The following MAF variants were observed in gnomAD, a reference collection of about 807,000 sequenced individuals.
MAF encodes the protein MAF bZIP transcription factor.
In MAF, 10 loss-of-function variants were observed where a neutral mutation model predicts 22.0. The ratio of observed to expected loss-of-function variants is 0.45; its 90% CI spans 0.28 to 0.77. MAF has a LOEUF of 0.77. MAF is among the 30% of genes least tolerant of loss of function. MAF has a pLI of 0.12. For synonymous variants in MAF, 337 were observed against 255.8 expected (o/e 1.32, Z -3.03); for missense variants, 544 against 548.4 (o/e 0.99, Z 0.08).
At chr16:79,463,400 T>A in the MAF span, among the ~76,000 whole-genome samples, 1 of 152,228 alleles carries the variant, frequency 6.6e-6, no homozygotes, top group Non-Finnish European at 1.5e-5. Context: ...AAAGTTTCCC[T>A]TCCAGCCCTG....
At chr16:79,374,276 C>T in the MAF span, among the ~76,000 whole-genome samples, 20 of 152,122 alleles carry the variant, frequency 1.3e-4, no homozygotes, top group African/African-American at 3.9e-4. Context: ...TTTTCCTCTC[C>T]GTTGCCTGAG....
At chr16:79,415,343 A>ACAGGCAGGCAGG in the MAF span, among the ~76,000 whole-genome samples, 1 of 149,836 alleles carries the variant, frequency 6.7e-6, no homozygotes, top group Non-Finnish European at 1.5e-5. Flanking sequence ...GGGAGGATGA[A>ACAGGCAGGCAGG]CAGGCAGGCA....
chr16:79,578,303 A>C, the MAF span, among the ~76,000 whole-genome samples: 35 of 152,234 alleles, frequency 2.3e-4, no homozygotes, highest in Admixed American at 6.5e-4. Flanking sequence ...TTTAAGATTT[A>C]TACCAGGGAC....
the MAF span, among the ~76,000 whole-genome samples, chr16:79,416,669 T>C: frequency 2.6e-5 from 4 of 152,254 alleles, no homozygotes; most frequent in African/African-American, 9.6e-5. Flanking sequence ...GGGAGCGCGG[T>C]GCTCCGAATG....
the MAF span, among the ~76,000 whole-genome samples, chr16:79,472,634 G>C: frequency 6.6e-6 from 1 of 152,100 alleles, no homozygotes; most frequent in Non-Finnish European, 1.5e-5. Context: ...GAAATGGGGA[G>C]TGACTGTTCA....
At chr16:79,270,047 T>C in the MAF span, among the ~76,000 whole-genome samples, 1 of 152,054 alleles carries the variant, frequency 6.6e-6, no homozygotes, top group South Asian at 2.1e-4. Flanking sequence ...CCTGTTTTTT[T>C]CATCCTGCAT....
chr16:79,549,341 G>C, the MAF span, among the ~76,000 whole-genome samples: 1 of 152,136 alleles, frequency 6.6e-6, no homozygotes, highest in African/African-American at 2.4e-5. Context: ...ATGATACAAG[G>C]TCAGAACACC....
the MAF span, among the ~76,000 whole-genome samples, chr16:79,462,082 C>T: frequency 6.0e-4 from 92 of 152,304 alleles, no homozygotes; most frequent in Non-Finnish European, 1.1e-3. Context: ...CGCCTCCCCT[C>T]GCCTATCTGG....
chr16:79,455,313 A>G, the MAF span, among the ~76,000 whole-genome samples: 2 of 152,132 alleles, frequency 1.3e-5, no homozygotes, highest in Non-Finnish European at 2.9e-5. Context: ...TAAATAAATA[A>G]ATAAATAAAT....
At chr16:79,411,985 A>G in the MAF span, among the ~76,000 whole-genome samples, 1 of 152,156 alleles carries the variant, frequency 6.6e-6, no homozygotes, top group Non-Finnish European at 1.5e-5. Flanking sequence ...TGCTGTTGTT[A>G]CCAGTACCAC....
the MAF span, among the ~76,000 whole-genome samples, chr16:79,544,164 A>G: frequency 6.6e-6 from 1 of 152,250 alleles, no homozygotes; most frequent in African/African-American, 2.4e-5. Flanking sequence ...ATCAAAGAAT[A>G]TACACTAAAA....
the MAF span, among the ~76,000 whole-genome samples, chr16:79,513,619 A>T: frequency 1.3e-5 from 2 of 152,316 alleles, no homozygotes; most frequent in African/African-American, 4.8e-5. Flanking sequence ...CCAGTTGCGG[A>T]ATCTCAGGCA....
the MAF span, among the ~76,000 whole-genome samples, chr16:79,530,285 G>A: frequency 6.6e-6 from 1 of 152,174 alleles, no homozygotes; most frequent in African/African-American, 2.4e-5. Flanking sequence ...GTGGTCTCAG[G>A]AGTGGTTCAA....
the MAF span, among the ~76,000 whole-genome samples, chr16:79,255,970 TTCTTTTCTTTTC>T: frequency 2.0e-4 from 26 of 131,506 alleles, no homozygotes; most frequent in Admixed American, 6.0e-4. Context: ...CTTTTCTTTT[TTCTTTTCTTTTC>T]TTTTTTTTTT....
the MAF span, among the ~76,000 whole-genome samples, chr16:79,273,865 T>C: frequency 0.69 from 104,632 of 151,708 alleles, 36,739 homozygotes; most frequent in Admixed American, 0.74. Flanking sequence ...GATTGGGACA[T>C]GGATATCTTT....
the MAF span, among the ~76,000 whole-genome samples, chr16:79,307,993 C>G: frequency 1.6e-4 from 25 of 152,228 alleles, no homozygotes; most frequent in Non-Finnish European, 2.9e-4. Context: ...TCCTTGTCCT[C>G]TAAATTCATT....
the MAF span, among the ~76,000 whole-genome samples, chr16:79,363,240 C>G: frequency 6.6e-6 from 1 of 152,152 alleles, no homozygotes; most frequent in Non-Finnish European, 1.5e-5. Flanking sequence ...TCGCTCAGCT[C>G]TTGTGGAGGA....
the MAF span, among the ~76,000 whole-genome samples, chr16:79,575,891 T>C: frequency 2.0e-5 from 3 of 152,148 alleles, no homozygotes; most frequent in Non-Finnish European, 2.9e-5. Context: ...GGAAGGCTCA[T>C]TCCATCACAA....
At chr16:79,373,317 C>G in the MAF span, among the ~76,000 whole-genome samples, 2 of 124,802 alleles carry the variant, frequency 1.6e-5, no homozygotes, top group African/African-American at 5.9e-5. Context: ...TGAATTAATT[C>G]ATCTATGGGT....
Sources: allele counts gnomAD v4.1 joint callset (sites outside exome capture counted in the v4.1 genomes callset), GRCh38; gene constraint gnomAD v4.1.1; transcripts MANE v1.5; gene names NCBI Gene and HGNC (gene_info 2026-07-23, HGNC 2026-07-21).